Variants in CDK1 observed in about 807,000 individuals in gnomAD.
CDK1 encodes the protein cyclin dependent kinase 1.
In CDK1, 5 loss-of-function variants were observed where a neutral mutation model predicts 34.6. The ratio of observed to expected loss-of-function variants is 0.14; its 90% CI spans 0.08 to 0.30. The LOEUF is 0.30. CDK1 is among the 10% of genes least tolerant of loss of function. The probability of loss-of-function intolerance (pLI) is 1.00; values close to 1 mark genes in which losing one functional copy is unlikely to be tolerated. For missense variants in CDK1, 157 were observed against 345.7 expected, an observed-to-expected ratio of 0.45 and a Z score of 4.33; for synonymous variants, 108 against 114.7, an observed-to-expected ratio of 0.94 and a Z score of 0.37.
intron 7 of CDK1, among the ~76,000 whole-genome samples, chr10:60,793,403 T>C (rs2080374889): frequency 6.6e-6 from 1 of 152,102 alleles, no homozygotes; most frequent in African/African-American, 2.4e-5. Context: ...TGACTATAAT[T>C]CATTTAGTGA....
Position 60,792,072 on chromosome 10 carries a change from G to C in CDK1, c.653+19G>C. ...TTTTCAGGTAGCTATTAAAAACTGAGATAATAAAGGTAACATATATGTAAC... is the reference window on the plus strand; with the variant it reads ...TTTTCAGGTAGCTATTAAAAACTGACATAATAAAGGTAACATATATGTAAC... On this transcript the variant is annotated intron_variant, in intron 6 of 7. Coordinates refer to ENST00000395284, the MANE Select transcript of CDK1 (RefSeq NM_001786.5). 1 of 1,604,106 alleles carries C rather than the reference G, an allele frequency of 6.2e-7. No homozygotes were observed. The highest frequency in any genetic ancestry group is 8.5e-7 in the Non-Finnish European group (1 of 1,173,566).
In CDK1 at chr10:60,786,912, C is replaced by T. The variant is rs537390981; in HGVS notation, c.318+1125C>T. 1.2e-5 allele frequency: 12 copies of T among 983,158 alleles called. No individual in the cohort carries two copies. In the East Asian group the frequency reaches 1.4e-3, roughly 112 times the overall value. 60.9% of individuals were successfully genotyped at this position (983,158 alleles called of 1,614,324 possible). ...TTTTATGTCTTGCTTAAGTCTTCCT[C>T]ACTCAAAGATCGAATGTATTAGAAT... On this transcript the variant is annotated intron_variant, in intron 4 of 7. Coordinates refer to ENST00000395284, the MANE Select transcript of CDK1 (RefSeq NM_001786.5).
intron 4 of CDK1, chr10:60,786,587 A>G (rs575955360): frequency 3.6e-5 from 6 of 166,930 alleles, no homozygotes; most frequent in Admixed American, 3.3e-4. Context: ...AATTTTTAGA[A>G]TGGGAATGAT....
intron 4 of CDK1, chr10:60,786,190 A>G: frequency 1.1e-6 from 1 of 902,938 alleles, no homozygotes; most frequent in Non-Finnish European, 1.3e-6. Context: ...AAATTATAAA[A>G]TTGTATAGTT....
rs1237961426 is a variant in CDK1 at position 60,790,964 on chromosome 10, T to G, written c.490-926T>G. 4.6e-5 allele frequency among the ~76,000 whole-genome samples: 7 copies of G among 152,328 alleles called. No individual in the cohort carries two copies. In the East Asian group the frequency reaches 1.4e-3, roughly 29 times the overall value. On this transcript the variant is annotated intron_variant, in intron 5 of 7. Transcript: ENST00000395284. The stretch of plus-strand genomic sequence containing the variant: ...ACATTTTTGAAGTCAGGTGATACGA[T>G]GCCTTCAGCTTTGTTGTTTTTGCTC...
chr10:60,785,971 T>C, intron 4 of CDK1, 184 bp downstream of exon 4: 1 of 1,189,444 alleles, frequency 8.4e-7, no homozygotes, highest in Non-Finnish European at 1.0e-6. Context: ...TACCAGATAG[T>C]GTTTCTAGTA....
At chr10:60,789,978 CATTTCCCTGATGA>C (rs2080347868) in intron 5 of CDK1, among the ~76,000 whole-genome samples, 1 of 152,126 alleles carries the variant, frequency 6.6e-6, no homozygotes, top group Non-Finnish European at 1.5e-5. Context: ...TTTTGATTTG[CATTTCCCTGATGA>C]ATAGTGATGT....
intron 2 of CDK1, among the ~76,000 whole-genome samples, chr10:60,783,841 T>G (rs1904417): frequency 0.74 from 112,436 of 152,124 alleles, 41,790 homozygotes; most frequent in East Asian, 0.84. Flanking sequence ...GGTGTGAGGC[T>G]TTCCTAATAT....
intron 2 of CDK1, among the ~76,000 whole-genome samples, chr10:60,780,533 T>C (rs145422115): frequency 6.6e-6 from 1 of 152,318 alleles, no homozygotes; most frequent in Non-Finnish European, 1.5e-5. Flanking sequence ...TGCAGAATTA[T>C]GCTAACTTCA....
intron 5 of CDK1, among the ~76,000 whole-genome samples, chr10:60,790,095 A>AT (rs1030959860): frequency 2.6e-4 from 40 of 151,830 alleles, no homozygotes; most frequent in African/African-American, 5.8e-4. Context: ...GATTCTTACT[A>AT]TTTTTTTTAT....
intron 2 of CDK1, among the ~76,000 whole-genome samples, chr10:60,781,842 A>G (rs1311678668): frequency 2.0e-5 from 3 of 152,158 alleles, no homozygotes; most frequent in East Asian, 3.9e-4. Context: ...TGTCTTGTTC[A>G]CAACTGTTTG....
rs2080259834 is a variant in CDK1, at chr10:60,780,180, C to G, written c.15C>G (p.Thr5=). ...ATTGACTAACTATGGAAGATTATAC[C>G]AAAATAGAGAAAATTGGAGAAGGTG... MEDY[T]KIEKIGEGTY... The change falls in exon 2 of 8, where the codon ACC becomes ACG. Residue 5 remains threonine (T), a synonymous_variant. Coordinates refer to ENST00000395284, the MANE Select transcript of CDK1 (RefSeq NM_001786.5). 2 of 1,537,898 alleles carry G rather than the reference C, an allele frequency of 1.3e-6. No homozygotes were observed. Among genetic ancestry groups the G allele is most frequent in the African/African-American group, 2.7e-5 (2 of 73,310 alleles).
intron 1 of CDK1, among the ~76,000 whole-genome samples, chr10:60,778,863 T>A (rs1261435693): frequency 6.6e-6 from 1 of 152,236 alleles, no homozygotes; most frequent in African/African-American, 2.4e-5. Context: ...TCTCAGGAAC[T>A]GCCTGAAGAG....
At chr10:60,791,254 C>G (rs538991888) in intron 5 of CDK1, among the ~76,000 whole-genome samples, 48 of 151,940 alleles carry the variant, frequency 3.2e-4, no homozygotes, top group Non-Finnish European at 4.9e-4. Flanking sequence ...TAAATTTATT[C>G]CTAGGTTTTT....
chr10:60,789,345 C>A (rs1480428400), intron 5 of CDK1, among the ~76,000 whole-genome samples: 1 of 152,076 alleles, frequency 6.6e-6, no homozygotes, highest in Non-Finnish European at 1.5e-5. Context: ...GCTTATTTTT[C>A]CTTTTGAGCT....
chr10:60,792,926 GTT>G (rs1433608890), intron 7 of CDK1, among the ~76,000 whole-genome samples: 1 of 152,004 alleles, frequency 6.6e-6, no homozygotes, highest in African/African-American at 2.4e-5. Flanking sequence ...ATCATAACTT[GTT>G]TAGTGGCATG....
At chr10:60,780,234 A>C in intron 2 of CDK1, 32 bp downstream of exon 2, 1 of 1,111,722 alleles carries the variant, frequency 9.0e-7, no homozygotes, top group Admixed American at 1.7e-5. Flanking sequence ...AATTTTATGG[A>C]ATGATTTAAC....
chr10:60,785,887 T>TG, intron 4 of CDK1, 100 bp downstream of exon 4: 1 of 1,355,364 alleles, frequency 7.4e-7, no homozygotes. Flanking sequence ...TTGGAAAAAG[T>TG]GTTAGAATAA....
chr10:60,784,049 T>C (rs995939614), intron 2 of CDK1, among the ~76,000 whole-genome samples: 1 of 152,346 alleles, frequency 6.6e-6, no homozygotes, highest in South Asian at 2.1e-4. Context: ...CCCAAATTTT[T>C]ACACTATATT....
Sources: gnomAD v4.1 joint callset for allele counts (sites outside exome capture counted in the v4.1 genomes callset) on GRCh38, gnomAD v4.1.1 for gene constraint, MANE v1.5 for transcripts, NCBI Gene and HGNC (gene_info 2026-07-23, HGNC 2026-07-21) for gene names.